The following METRNL variants were observed in gnomAD, a reference collection of about 807,000 sequenced individuals.
METRNL encodes the protein meteorin-like protein.
A neutral mutation model predicts 17.4 loss-of-function variants in METRNL; 9 were observed. That is an observed-to-expected ratio of 0.52 (90% confidence interval 0.31 to 0.90). The LOEUF (loss-of-function observed/expected upper bound fraction) is 0.90, where lower values mean the gene tolerates loss of function less well. METRNL is among the 40% of genes least tolerant of loss of function. The pLI is 0.05. For synonymous variants in METRNL, 215 were observed against 199.3 expected (o/e 1.08, Z -0.66); for missense variants, 408 against 430.7 (o/e 0.95, Z 0.47).
At chr17:83,081,685 AC>A (rs145606529) in intron 1 of METRNL, among the ~76,000 whole-genome samples, 29 of 150,386 alleles carry the variant, frequency 1.9e-4, no homozygotes, top group East Asian at 1.6e-3. Context: ...CACACAGGGG[AC>A]CCCCCCCAAC....
At chr17:83,083,848 C>A (rs1397245988) in intron 1 of METRNL, among the ~76,000 whole-genome samples, 1 of 152,210 alleles carries the variant, frequency 6.6e-6, no homozygotes, top group Non-Finnish European at 1.5e-5. Flanking sequence ...CATAAAAATC[C>A]TAAGAATGTG....
Position 83,079,935 on chromosome 17 carries a change from G to A in METRNL, c.120G>A (p.Leu40=). 9.9e-7 allele frequency: 1 copy of A among 1,011,758 alleles called. No homozygotes were observed. Among genetic ancestry groups the A allele is most frequent in the South Asian group, 4.5e-5 (1 of 22,372 alleles). The allele number at this position is 1,011,758 out of a possible 1,614,324, so 62.7% of individuals were successfully genotyped here. The change falls in exon 1 of 4, where the codon CTG becomes CTA. Residue 40 remains leucine (L), a synonymous_variant. Transcript: ENST00000320095. Reference sequence around the variant, plus strand: ...TGCTCCTGCTCCTGGCCGGGCTGCTGGGCGGCGCGGGCGCGCAGTACTCCA... The same window carrying A: ...TGCTCCTGCTCCTGGCCGGGCTGCTAGGCGGCGCGGGCGCGCAGTACTCCA... The part of the protein sequence containing the change: ...PLLLLLLAGL[L]GGAGAQYSSD...
At position 83,094,578 on chromosome 17, in the gene METRNL, C is replaced by T. The variant is rs761032163; in HGVS notation, c.*3C>T. 1 of 1,446,434 alleles carries T rather than the reference C, an allele frequency of 6.9e-7. No individual in the cohort carries two copies. The highest frequency in any genetic ancestry group is 9.1e-7 in the Non-Finnish European group (1 of 1,095,540). 89.6% of individuals were successfully genotyped at this position (1,446,434 alleles called of 1,614,324 possible). On this transcript the variant is annotated 3_prime_UTR_variant, in exon 4 of 4. Coordinates refer to ENST00000320095, the MANE Select transcript of METRNL (RefSeq NM_001004431.3). ...CTTGTGAGGTTGGCACGGACTGACT[C>T]CGTGGGCCGCTGCCCTTCCTCTCCT...
intron 3 of METRNL, among the ~76,000 whole-genome samples, chr17:83,093,509 T>C (rs112920855): frequency 1.3e-5 from 2 of 152,234 alleles, no homozygotes; most frequent in African/African-American, 4.8e-5. Context: ...AGGGGACTCT[T>C]GAAGTCCACT....
rs2038180676 is a variant in METRNL, at chr17:83,094,574, G to A, written c.935G>A (p.Ter312=). The A allele has an allele frequency of 6.2e-6, 9 of 1,456,206 alleles. No homozygotes were observed. In the East Asian group the frequency reaches 2.3e-4, roughly 36 times the overall value. The allele number at this position is 1,456,206 out of a possible 1,614,324, so 90.2% of individuals were successfully genotyped here. ...AACCCTTGTGAGGTTGGCACGGACT[G>A]ACTCCGTGGGCCGCTGCCCTTCCTC... ...GLNPCEVGTD[*] Residue 312 remains the stop codon, a stop_retained_variant, in exon 4 of 4, where the codon TGA becomes TAA. Coordinates refer to ENST00000320095, the MANE Select transcript of METRNL (RefSeq NM_001004431.3).
chr17:83,088,907 A>C (rs1724119894), intron 2 of METRNL, among the ~76,000 whole-genome samples: 1 of 152,154 alleles, frequency 6.6e-6, no homozygotes, highest in African/African-American at 2.4e-5. Flanking sequence ...TGATTTTTCC[A>C]AGGCGTCCCA....
intron 2 of METRNL, among the ~76,000 whole-genome samples, chr17:83,089,488 C>T (rs900630900): frequency 1.3e-4 from 20 of 152,112 alleles, no homozygotes; most frequent in South Asian, 4.1e-4. Flanking sequence ...TAACACCTGC[C>T]GTGCAATCTA....
At chr17:83,080,221 C>T in intron 1 of METRNL, 1 of 156,936 alleles carries the variant, frequency 6.4e-6, no homozygotes, top group Non-Finnish European at 1.4e-5. Flanking sequence ...GCGCCTGCAG[C>T]GCGGCCGGGT....
Position 83,084,925 on chromosome 17 carries a change from C to T in METRNL, c.171-13C>T, listed in dbSNP as rs373604085. ...GAGCTCCGGGCCTGGCTGACAGTGT[C>T]TCTCCTCTGCAGCGGGCTGACGCAC... On this transcript the variant is annotated splice_polypyrimidine_tract_variant and intron_variant, in intron 1 of 3. Coordinates refer to ENST00000320095, the MANE Select transcript of METRNL (RefSeq NM_001004431.3). 1 of 1,601,922 alleles carries T rather than the reference C, an allele frequency of 6.2e-7. No homozygotes were observed. Among genetic ancestry groups the T allele is most frequent in the Non-Finnish European group, 8.5e-7 (1 of 1,173,392 alleles).
At chr17:83,086,908 C>G (rs892582031) in intron 2 of METRNL, among the ~76,000 whole-genome samples, 5 of 152,046 alleles carry the variant, frequency 3.3e-5, no homozygotes, top group African/African-American at 4.8e-5. Context: ...TTTGTCTCTC[C>G]TGCCTCTGGG....
At chr17:83,081,811 C>G (rs541848072) in intron 1 of METRNL, among the ~76,000 whole-genome samples, 3 of 150,488 alleles carry the variant, frequency 2.0e-5, no homozygotes, top group Admixed American at 2.0e-4. Flanking sequence ...AGTGAGACTT[C>G]CTTTTGTTGT....
rs569141599 is a variant in METRNL, at chr17:83,084,857, G to A, written c.171-81G>A. The stretch of plus-strand genomic sequence containing the variant: ...GCCGCCATCATTTGGAGCGGGTATC[G>A]TCCTCACTGACTCTCTGTGGGTGCG... On this transcript the variant is annotated intron_variant, in intron 1 of 3. Transcript: ENST00000320095. The A allele has an allele frequency of 1.9e-4, 292 of 1,517,522 alleles. No homozygotes were observed. In the African/African-American group the frequency reaches 3.5e-3, roughly 18 times the overall value. 94.0% of individuals were successfully genotyped at this position (1,517,522 alleles called of 1,614,324 possible). A position where few individuals can be genotyped will look rare whatever the true frequency, so the allele number is the denominator to read the frequency against.
chr17:83,088,197 G>A (rs1443703250), intron 2 of METRNL, among the ~76,000 whole-genome samples: 3 of 152,204 alleles, frequency 2.0e-5, no homozygotes, highest in East Asian at 1.9e-4. Flanking sequence ...CAGGCGACAC[G>A]GACGCCTTCC....
intron 2 of METRNL, among the ~76,000 whole-genome samples, chr17:83,088,604 G>A (rs1448530349): frequency 2.6e-5 from 4 of 152,172 alleles, no homozygotes; most frequent in African/African-American, 9.7e-5. Flanking sequence ...CACAGGCAGT[G>A]GGAGGGGAGG....
At chr17:83,085,811 A>T (rs900779228) in intron 2 of METRNL, among the ~76,000 whole-genome samples, 1 of 152,148 alleles carries the variant, frequency 6.6e-6, no homozygotes, top group Non-Finnish European at 1.5e-5. Flanking sequence ...TTGCCATTCA[A>T]ACTGCCCTGG....
chr17:83,088,149 A>G (rs1036316172), intron 2 of METRNL, among the ~76,000 whole-genome samples: 1 of 152,300 alleles, frequency 6.6e-6, no homozygotes, highest in East Asian at 1.9e-4. Flanking sequence ...TTGGCTGACT[A>G]CGGGCAGGAC....
Position 83,094,322 on chromosome 17 carries a change from G to A in METRNL, c.683G>A (p.Arg228His), listed in dbSNP as rs199638541. 8.6e-5 allele frequency: 139 copies of A among 1,607,982 alleles called. 1 individual carries two copies. Among genetic ancestry groups the A allele is most frequent in the Middle Eastern group, 1.7e-4 (1 of 6,054 alleles). Residue 228 changes from arginine to histidine, a missense_variant, in exon 4 of 4, where the codon CGC becomes CAC. Transcript: ENST00000320095. ...CGGCAGGACTCAGCCATCCACCTGC[G>A]CGTGAGCAGACTCTATCGGCAGAAA... is the stretch of plus-strand genomic sequence containing the variant. ...PERQDSAIHL[R>H]VSRLYRQKSR...
chr17:83,091,002 C>T (rs555580980), intron 2 of METRNL, among the ~76,000 whole-genome samples: 3 of 152,260 alleles, frequency 2.0e-5, no homozygotes, highest in East Asian at 3.9e-4. Context: ...ACCCCGGGGC[C>T]CCCATAGGAG....
At chr17:83,083,719 C>G (rs971199065) in intron 1 of METRNL, among the ~76,000 whole-genome samples, 21 of 152,172 alleles carry the variant, frequency 1.4e-4, no homozygotes, top group Non-Finnish European at 1.5e-4. Flanking sequence ...GTTTGGGGGC[C>G]CAGAGTGTGA....
Sources: gnomAD v4.1 joint callset for allele counts (sites outside exome capture counted in the v4.1 genomes callset) on GRCh38, gnomAD v4.1.1 for gene constraint, MANE v1.5 for transcripts, NCBI Gene and HGNC (gene_info 2026-07-23, HGNC 2026-07-21) for gene names.